The following ICMT variants were observed in gnomAD, a reference collection of about 807,000 sequenced individuals.
The protein encoded by ICMT is protein-S-isoprenylcysteine O-methyltransferase.
A neutral mutation model predicts 32.2 loss-of-function variants in ICMT; 10 were observed. The observed-to-expected ratio is 0.31, with a 90% CI of 0.19 to 0.53. The LOEUF (loss-of-function observed/expected upper bound fraction) is 0.53, where lower values mean the gene tolerates loss of function less well. Among genes scored for constraint, ICMT ranks in the 20% least tolerant of loss-of-function variants. ICMT has a pLI of 0.96. For missense variants in ICMT, 265 were observed against 356.9 expected, an observed-to-expected ratio of 0.74 and a Z score of 2.07; for synonymous variants, 183 against 158.2, an observed-to-expected ratio of 1.16 and a Z score of -1.18.
chr1:6,233,512 G>C lies in ICMT; in HGVS notation c.416C>G (p.Ser139Cys). The C allele has an allele frequency of 1.9e-6, 3 of 1,613,986 alleles. No individual in the cohort carries two copies. Among genetic ancestry groups the C allele is most frequent in the Non-Finnish European group, 2.5e-6 (3 of 1,179,994 alleles). ...SLEYTVAALSSWLEFTLENIF... is the reference protein window; with the variant it reads ...SLEYTVAALSCWLEFTLENIF... ...ATTTTCAAGTGTGAACTCTAACCAAGAAGAAAGAGCAGCTACTGTATACTC... is the reference window on the plus strand; with the variant it reads ...ATTTTCAAGTGTGAACTCTAACCAACAAGAAAGAGCAGCTACTGTATACTC... The change falls in exon 3 of 5, where the codon TCT (serine) becomes TGT (cysteine). Residue 139 changes from serine (S) to cysteine (C), a missense_variant. By Grantham distance (112) the Ser-to-Cys change is moderately radical (BLOSUM62 -1). This residue lies in a region of ICMT where 166 missense variants were observed against 264.3 expected (regional missense o/e 0.63). Coordinates refer to ENST00000343813, the MANE Select transcript of ICMT (RefSeq NM_012405.4).
intron 4 of ICMT, among the ~76,000 whole-genome samples, chr1:6,225,638 G>C (rs1309424306): frequency 1.3e-5 from 2 of 152,000 alleles, no homozygotes; most frequent in African/African-American, 4.8e-5. Context: ...TTACACCACA[G>C]CTGCCTGGGC....
rs1454178157 is a variant in ICMT, at chr1:6,223,459, A to G, written c.*1621T>C. ...GAACCCGTAAGCCTCTTTGGTATAT[A>G]TAACAATGAAAAAATTCATTAAGCC... On this transcript the variant is annotated 3_prime_UTR_variant, in exon 5 of 5. Transcript: ENST00000343813. The G allele has an allele frequency of 2.0e-5, 3 of 151,976 alleles. No individual in the cohort carries two copies. Among genetic ancestry groups the G allele is most frequent in the African/African-American group, 7.2e-5 (3 of 41,424 alleles). 9.4% of individuals were successfully genotyped at this position (151,976 alleles called of 1,614,324 possible).
In ICMT at chr1:6,231,981, GTA is replaced by G; in HGVS notation, c.591_592del (p.Thr198SerfsTer31). 1 of 1,614,120 alleles carries G rather than the reference GTA, an allele frequency of 6.2e-7. No homozygotes were observed. The highest frequency in any genetic ancestry group is 2.2e-5 in the East Asian group (1 of 44,888). On this transcript the variant is annotated frameshift_variant, in exon 4 of 5. Coordinates refer to ENST00000343813, the MANE Select transcript of ICMT (RefSeq NM_012405.4). LOFTEE classifies it high-confidence loss of function. ...AGCGTACACTCCACTGGTCACCAGAGTATGTGTATCTGATTTTTCATTCTGTA... is the reference window on the plus strand; with the variant it reads ...AGCGTACACTCCACTGGTCACCAGAGTGTGTATCTGATTTTTCATTCTGTA...
rs764279726 is a variant in ICMT at position 6,225,074 on chromosome 1, T to C, written c.*6A>G. The C allele has an allele frequency of 1.2e-6, 2 of 1,610,488 alleles. No individual in the cohort carries two copies. The highest frequency in any genetic ancestry group is 1.7e-6 in the Non-Finnish European group (2 of 1,178,012). On this transcript the variant is annotated 3_prime_UTR_variant, in exon 5 of 5. Coordinates refer to ENST00000343813, the MANE Select transcript of ICMT (RefSeq NM_012405.4). ...GAGGCCCCAAGGTCACCGGGGCCAC[T>C]GCCCGTCACAGGTCCACCTTGACCC...
rs1464459829 is a variant in ICMT, at chr1:6,225,063, A to C, written c.*17T>G. On this transcript the variant is annotated 3_prime_UTR_variant, in exon 5 of 5. Coordinates refer to ENST00000343813, the MANE Select transcript of ICMT (RefSeq NM_012405.4). ...GCACAGGGTCGGAGGCCCCAAGGTCACCGGGGCCACTGCCCGTCACAGGTC... is the reference window on the plus strand; with the variant it reads ...GCACAGGGTCGGAGGCCCCAAGGTCCCCGGGGCCACTGCCCGTCACAGGTC... 6.2e-7 allele frequency: 1 copy of C among 1,606,238 alleles called. No individual in the cohort carries two copies. Among genetic ancestry groups the C allele is most frequent in the Non-Finnish European group, 8.5e-7 (1 of 1,175,312 alleles).
Position 6,234,960 on chromosome 1 carries a change from A to G in ICMT, c.210T>C (p.Ala70=). ...RPPRYQIAIR[A]CFLGFVFGCG... is the part of the protein sequence containing the mutation. ...AGCCGAACACAAACCCCAGGAAACA[A>G]GCTCGGATGGCTATCTGAAAGGAAC... Residue 70 remains alanine, a synonymous_variant, in exon 2 of 5, where the codon GCT becomes GCC. Transcript: ENST00000343813. The G allele has an allele frequency of 6.2e-7, 1 of 1,613,872 alleles. No homozygotes were observed. The highest frequency in any genetic ancestry group is 8.5e-7 in the Non-Finnish European group (1 of 1,179,928).
intron 4 of ICMT, 115 bp from the exon 5 acceptor site, chr1:6,225,377 C>T (rs1346033790): frequency 5.9e-5 from 58 of 983,550 alleles, no homozygotes; most frequent in Non-Finnish European, 7.3e-5. Context: ...CTGCTGAGAC[C>T]GTCAGGGTCT....
chr1:6,232,896 C>T (rs1395014625), intron 3 of ICMT, among the ~76,000 whole-genome samples: 1 of 145,580 alleles, frequency 6.9e-6, no homozygotes, highest in Non-Finnish European at 1.5e-5. Flanking sequence ...CTCGCTCTGT[C>T]ACCCAGGCTG....
rs773101748 is a variant in ICMT, at chr1:6,231,913, T to C, written c.661A>G (p.Ile221Val). ...PSYVGWFYWS[I>V]GTQVMLCNPI... is the part of the protein sequence containing the mutation. ...ATTTAATATTATACCTGAGTTCCAATACTCCAGTAAAACCACCCGACGTAA... is the reference window on the plus strand; with the variant it reads ...ATTTAATATTATACCTGAGTTCCAACACTCCAGTAAAACCACCCGACGTAA... Residue 221 changes from isoleucine (I) to valine (V), a missense_variant, in exon 4 of 5, where the codon ATT becomes GTT. Physicochemically the swap from Ile to Val is conservative, Grantham distance 29. Transcript: ENST00000343813. The C allele has an allele frequency of 5.1e-6, 8 of 1,572,448 alleles. No homozygotes were observed. Among genetic ancestry groups the C allele is most frequent in the Admixed American group, 1.7e-5 (1 of 57,718 alleles).
At chr1:6,234,829 G>T in intron 2 of ICMT, 57 bp downstream of exon 2, 1 of 1,264,414 alleles carries the variant, frequency 7.9e-7, no homozygotes, top group Non-Finnish European at 1.2e-6. Context: ...TGCCGCTACA[G>T]ACCCTCTGAT....
intron 4 of ICMT, among the ~76,000 whole-genome samples, chr1:6,229,783 TACACACACACACACACACAC>T (rs34741419): frequency 0.041 from 5,967 of 146,696 alleles, 131 homozygotes; most frequent in African/African-American, 0.056. Flanking sequence ...ATAAAAAAAA[TACACACACACACACACACAC>T]ACACACACAC....
chr1:6,234,895 T>C lies in ICMT; in HGVS notation c.275A>G (p.His92Arg). ...LLSFSQSSWS[H>R]FGWYMCSLSL... is the part of the protein sequence containing the mutation. ...CCGAAGGAATTCTTACCAGCCAAAG[T>C]GACTCCAAGAAGACTGGCTAAAACT... The change falls in exon 2 of 5, where the codon CAC (histidine) becomes CGC (arginine). Residue 92 changes from histidine (H) to arginine (R), a missense_variant. Around this residue, in one of 2 missense-constraint regions of ICMT, gnomAD observed 166 missense variants for 264.3 expected, o/e 0.63. Coordinates refer to ENST00000343813, the MANE Select transcript of ICMT (RefSeq NM_012405.4). 6.2e-7 allele frequency: 1 copy of C among 1,613,150 alleles called. No homozygotes were observed. The highest frequency in any genetic ancestry group is 8.5e-7 in the Non-Finnish European group (1 of 1,179,238).
intron 4 of ICMT, among the ~76,000 whole-genome samples, chr1:6,229,788 A>G: frequency 2.6e-5 from 1 of 38,190 alleles, no homozygotes; most frequent in African/African-American, 8.7e-5. Context: ...AAAAATACAC[A>G]CACACACACA....
At chr1:6,235,616 T>TG (rs1668810863) in intron 1 of ICMT, 101 bp downstream of exon 1, 1 of 773,350 alleles carries the variant, frequency 1.3e-6, no homozygotes, top group Non-Finnish European at 1.6e-6. Context: ...AGCGCGCGCG[T>TG]GGGAGGCCAC....
intron 2 of ICMT, among the ~76,000 whole-genome samples, chr1:6,234,220 CAG>C (rs1668780481): frequency 6.6e-6 from 1 of 152,154 alleles, no homozygotes; most frequent in Admixed American, 6.5e-5. Context: ...CCATAGGTCA[CAG>C]AGGCATTATG....
rs985302974 is a variant in ICMT at position 6,224,205 on chromosome 1, G to A, written c.*875C>T. 5 of 152,170 alleles carry A rather than the reference G, an allele frequency of 3.3e-5. No homozygotes were observed. The highest frequency in any genetic ancestry group is 1.2e-4 in the African/African-American group (5 of 41,428). 9.4% of individuals were successfully genotyped at this position (152,170 alleles called of 1,614,324 possible). A position where few individuals can be genotyped will look rare whatever the true frequency, so the allele number is the denominator to read the frequency against. ...GAGAATCAAATCCCAAATAAACGGA[G>A]AGCAGCACTTCTCAATGTTTAAGGC... On this transcript the variant is annotated 3_prime_UTR_variant, in exon 5 of 5. Transcript: ENST00000343813.
chr1:6,232,950 C>T (rs533903455), intron 3 of ICMT, among the ~76,000 whole-genome samples: 3 of 151,448 alleles, frequency 2.0e-5, no homozygotes, highest in South Asian at 4.2e-4. Context: ...CTCCGCCTCC[C>T]GGATTCAAGC....
At chr1:6,231,525 A>C (rs1013299166) in intron 4 of ICMT, among the ~76,000 whole-genome samples, 1 of 151,390 alleles carries the variant, frequency 6.6e-6, no homozygotes, top group South Asian at 2.1e-4. Context: ...CAGGCAACAC[A>C]GTAAGACCCT....
At chr1:6,234,460 C>A (rs1287660918) in intron 2 of ICMT, 3 of 497,080 alleles carry the variant, frequency 6.0e-6, no homozygotes, top group Non-Finnish European at 1.2e-5. Context: ...GGACTGAAAT[C>A]ATAGTGTAGG....
Sources: allele counts gnomAD v4.1 joint callset (sites outside exome capture counted in the v4.1 genomes callset), GRCh38; gene constraint gnomAD v4.1.1; regional missense constraint gnomAD v4.1.1; transcripts MANE v1.5; gene names NCBI Gene and HGNC (gene_info 2026-07-23, HGNC 2026-07-21).